Variants in USP42 observed in about 807,000 individuals in gnomAD.
USP42 encodes ubiquitin specific peptidase 42.
USP42 carries 23 observed loss-of-function variants against 113.0 expected under a neutral mutation model. The observed-to-expected ratio is 0.20, with a 90% CI of 0.15 to 0.29. The LOEUF (loss-of-function observed/expected upper bound fraction) is 0.29, where lower values mean the gene tolerates loss of function less well. Ranked by LOEUF, USP42 falls within the 10% of genes least tolerant of loss-of-function variation. USP42 has a pLI of 1.00. For synonymous variants in USP42, 933 were observed against 699.0 expected (o/e 1.33, Z -5.28); for missense variants, 2,174 against 1,779.8 (o/e 1.22, Z -3.99).
At chr7:6,100,732 G>A (rs1315635690), upstream of USP42, among the ~76,000 whole-genome samples, 1 of 145,240 alleles carries the variant, frequency 6.9e-6, no homozygotes, top group African/African-American at 2.7e-5. Context: ...GCCCCAGGCT[G>A]TAGTGCAGTG....
upstream of USP42, among the ~76,000 whole-genome samples, chr7:6,103,115 G>T (rs1790180228): frequency 6.6e-6 from 1 of 151,046 alleles, no homozygotes; most frequent in Admixed American, 6.6e-5. Flanking sequence ...GCTCATGGTG[G>T]AGGGGAGATG....
chr7:6,105,372 C>T (rs1180940990), intron 1 of USP42, among the ~76,000 whole-genome samples: 3 of 149,156 alleles, frequency 2.0e-5, no homozygotes, highest in Non-Finnish European at 4.5e-5. Context: ...CAGCCCGCCC[C>T]TTCGGCCTGG....
Position 6,154,832 on chromosome 7 carries a change from A to T in USP42, c.3278A>T (p.His1093Leu). The part of the protein sequence containing the change: ...HERAGLHERP[H>L]KDHNRGRRGC... ...CGGGCCGGGCTGCACGAGCGGCCGCACAAGGACCACAACCGGGGCCGTAGG... is the reference window on the plus strand; with the variant it reads ...CGGGCCGGGCTGCACGAGCGGCCGCTCAAGGACCACAACCGGGGCCGTAGG... The change falls in exon 15 of 18, where the codon CAC becomes CTC. Residue 1093 changes from histidine (H) to leucine (L), a missense_variant. His to Leu is a moderately conservative substitution (Grantham distance 99). Transcript: ENST00000306177. The T allele has an allele frequency of 6.5e-7, 1 of 1,540,176 alleles. No homozygotes were observed. Among genetic ancestry groups the T allele is most frequent in the Non-Finnish European group, 8.8e-7 (1 of 1,141,000 alleles).
At chr7:6,096,855 C>T in the USP42 span, among the ~76,000 whole-genome samples, 1 of 151,334 alleles carries the variant, frequency 6.6e-6, no homozygotes, top group East Asian at 1.9e-4. Context: ...CAATCATGCC[C>T]ACCTTCTGCT....
intron 3 of USP42, among the ~76,000 whole-genome samples, chr7:6,129,055 G>A (rs943626659): frequency 6.6e-6 from 1 of 152,168 alleles, no homozygotes; most frequent in Non-Finnish European, 1.5e-5. Flanking sequence ...CAGGCCATCC[G>A]CCCACCTCAG....
At position 6,158,951 on chromosome 7, in the gene USP42, G is replaced by A. The variant is rs1782615520; in HGVS notation, c.3944-499G>A. 6.6e-6 allele frequency among the ~76,000 whole-genome samples: 1 copy of A among 152,166 alleles called. No homozygotes were observed. The highest frequency in any genetic ancestry group is 2.4e-5 in the African/African-American group (1 of 41,446). ...TGCTGTGGTCAGGCGTTGTCTGTGT[G>A]GTGGCCCTGTGTTTCCGTCCCCGTC... On this transcript the variant is annotated intron_variant, in intron 16 of 17. Transcript: ENST00000306177. This position sits in a 1 kb window ranked among gnomAD's most constrained non-coding sequence, Gnocchi z 4.2.
chr7:6,131,648 G>T (rs1014529992), intron 3 of USP42, among the ~76,000 whole-genome samples: 7 of 152,166 alleles, frequency 4.6e-5, no homozygotes, highest in Non-Finnish European at 8.8e-5. Context: ...GCCTGCAGTT[G>T]TTGGGGCTTC....
chr7:6,132,412 C>CT (rs1780899368), intron 3 of USP42, among the ~76,000 whole-genome samples: 1 of 149,586 alleles, frequency 6.7e-6, no homozygotes, highest in South Asian at 2.2e-4. Flanking sequence ...GGCTGGAGTG[C>CT]AGTGTTGCGA....
chr7:6,140,279 G>A (rs1393370533), intron 6 of USP42, 84 bp downstream of exon 6: 1 of 1,264,720 alleles, frequency 7.9e-7, no homozygotes, highest in East Asian at 2.3e-5. Context: ...AGTCCTACTA[G>A]GAAGGAAGGA....
the USP42 span, among the ~76,000 whole-genome samples, chr7:6,092,041 CTT>C: frequency 2.4e-4 from 23 of 94,928 alleles, 1 homozygote; most frequent in African/African-American, 6.8e-4. Flanking sequence ...TCTTCTTCTT[CTT>C]CTTCTTCTTC....
chr7:6,108,682 T>C (rs1037524958), intron 1 of USP42, among the ~76,000 whole-genome samples: 1 of 152,156 alleles, frequency 6.6e-6, no homozygotes, highest in Non-Finnish European at 1.5e-5. Flanking sequence ...GGTTTCACCA[T>C]GTTGGTCAGG....
At chr7:6,128,839 C>T (rs931071991) in intron 3 of USP42, among the ~76,000 whole-genome samples, 2 of 116,750 alleles carry the variant, frequency 1.7e-5, no homozygotes, top group African/African-American at 1.1e-4. Flanking sequence ...GGGGGTGGGT[C>T]GTGGACAGGG....
intron 6 of USP42, 31 bp downstream of exon 6, chr7:6,140,226 A>G: frequency 6.3e-7 from 1 of 1,583,386 alleles, no homozygotes; most frequent in African/African-American, 1.3e-5. Context: ...TGATAAAATG[A>G]TACACACATG....
Position 6,154,276 on chromosome 7 carries a change from C to T in USP42, c.2722C>T (p.Pro908Ser), listed in dbSNP as rs1447196655. 3 of 1,596,454 alleles carry T rather than the reference C, an allele frequency of 1.9e-6. No individual in the cohort carries two copies. The African/African-American group carries it at 4.0e-5, about 21-fold the overall frequency. The change falls in exon 15 of 18, where the codon CCG (proline) becomes TCG (serine). Residue 908 changes from proline to serine, a missense_variant. By Grantham distance (74) the Pro-to-Ser change is moderately conservative. Transcript: ENST00000306177. ...GCCAGCTCCTGTGCTGGACATGGCC[C>T]CGGCCGGTCACCCGGAAGGGGACGC... is the stretch of plus-strand genomic sequence containing the variant. ...RPPAPVLDMAPAGHPEGDAEP... is the reference protein window; with the variant it reads ...RPPAPVLDMASAGHPEGDAEP...
the USP42 span, among the ~76,000 whole-genome samples, chr7:6,083,475 C>T: frequency 2.0e-5 from 3 of 149,786 alleles, no homozygotes; most frequent in Non-Finnish European, 4.4e-5. Flanking sequence ...AGGCTGGTCT[C>T]AAACTCCTGA....
intron 3 of USP42, among the ~76,000 whole-genome samples, chr7:6,134,112 C>A (rs943122409): frequency 6.6e-6 from 1 of 152,062 alleles, no homozygotes; most frequent in Non-Finnish European, 1.5e-5. Flanking sequence ...AGGATCGTCT[C>A]GATCTCCTGA....
the USP42 span, among the ~76,000 whole-genome samples, chr7:6,082,473 C>A: frequency 6.7e-6 from 1 of 149,320 alleles, no homozygotes; most frequent in African/African-American, 2.6e-5. Context: ...TATTTTTAGG[C>A]TGGGTGTAGT....
rs1025209476 is a variant in USP42, at chr7:6,159,941, T to G, written c.*36+448T>G. ...TCTGCGCCCCGAGGTGGCACTGAGC[T>G]GGAGCCAGCACCCCCCCAGCAGCCA... On this transcript the variant is annotated intron_variant, in intron 17 of 17. Coordinates refer to ENST00000306177, the MANE Select transcript of USP42 (RefSeq NM_032172.3). This position sits in a 1 kb window ranked among gnomAD's most constrained non-coding sequence, Gnocchi z 4.1. 6.6e-6 allele frequency among the ~76,000 whole-genome samples: 1 copy of G among 152,196 alleles called. No homozygotes were observed. Among genetic ancestry groups the G allele is most frequent in the African/African-American group, 2.4e-5 (1 of 41,452 alleles).
At chr7:6,110,062 G>C (rs1005017185) in intron 1 of USP42, among the ~76,000 whole-genome samples, 11 of 151,508 alleles carry the variant, frequency 7.3e-5, no homozygotes, top group African/African-American at 2.7e-4. Context: ...TCAAACTCCT[G>C]ACCTCAAGCG....
Sources: allele counts gnomAD v4.1 joint callset (sites outside exome capture counted in the v4.1 genomes callset), GRCh38; gene constraint gnomAD v4.1.1; non-coding constraint Gnocchi (gnomAD v3.1); transcripts MANE v1.5; gene names NCBI Gene and HGNC (gene_info 2026-07-23, HGNC 2026-07-21).